TTC27: variants seen among roughly 807,000 people sequenced by gnomAD.
TTC27 encodes the protein tetratricopeptide repeat protein 27.
A neutral mutation model predicts 115.9 loss-of-function variants in TTC27; 79 were observed. The observed-to-expected ratio is 0.68, with a 90% confidence interval of 0.57 to 0.82. The LOEUF (loss-of-function observed/expected upper bound fraction) is 0.82. Among genes scored for constraint, TTC27 ranks in the 40% least tolerant of loss-of-function variants. The probability of loss-of-function intolerance (pLI) is 0.00; values close to 1 mark genes in which losing one functional copy is unlikely to be tolerated. For synonymous variants in TTC27, 401 were observed against 356.0 expected (o/e 1.13, Z -1.42); for missense variants, 1,054 against 993.1 (o/e 1.06, Z -0.82).
intron 10 of TTC27, among the ~76,000 whole-genome samples, chr2:32,723,380 G>A (rs903438884): frequency 5.9e-5 from 9 of 152,192 alleles, no homozygotes; most frequent in African/African-American, 2.2e-4. Flanking sequence ...AGAGATTCAG[G>A]GTTAGAGTGT....
intron 16 of TTC27, among the ~76,000 whole-genome samples, chr2:32,801,982 TTC>T (rs1213077296): frequency 6.6e-6 from 1 of 152,314 alleles, no homozygotes; most frequent in Admixed American, 6.5e-5. Context: ...TGTGAGAAGT[TTC>T]TGTTATTAGT....
intron 16 of TTC27, among the ~76,000 whole-genome samples, chr2:32,802,974 T>A (rs1671003877): frequency 6.6e-6 from 1 of 152,250 alleles, no homozygotes; most frequent in East Asian, 1.9e-4. Flanking sequence ...ATTTTTTTCC[T>A]GTTGGCTCGT....
chr2:32,770,954 T>A lies in TTC27; in HGVS notation c.1681-6928T>A, dbSNP rs146006150. 1.2e-4 allele frequency among the ~76,000 whole-genome samples: 19 copies of A among 152,342 alleles called. No homozygotes were observed. In the East Asian group the frequency reaches 3.7e-3, roughly 29 times the overall value. ...GAAAAAAGACATTCTTTCCTTTTTA[T>A]TTTTCCCTTCTAATATTGGTAAGCA... On this transcript the variant is annotated intron_variant, in intron 13 of 19. Transcript: ENST00000317907.
At chr2:32,648,407 G>A (rs1411001567) in intron 4 of TTC27, among the ~76,000 whole-genome samples, 1 of 149,992 alleles carries the variant, frequency 6.7e-6, no homozygotes, top group Admixed American at 6.7e-5. Context: ...TAGGACTACA[G>A]GTGTGAACCA....
intron 8 of TTC27, 150 bp from the exon 9 acceptor site, chr2:32,678,706 T>C (rs570064965): frequency 1.2e-4 from 62 of 523,718 alleles, no homozygotes; most frequent in South Asian, 7.2e-4. Context: ...GGATCACAGG[T>C]GTGAGCCACT....
intron 9 of TTC27, among the ~76,000 whole-genome samples, chr2:32,692,342 G>A (rs1411992228): frequency 3.9e-5 from 6 of 151,996 alleles, no homozygotes; most frequent in Non-Finnish European, 1.5e-5. Context: ...TTACAACTAT[G>A]TAATTCCACA....
intron 13 of TTC27, among the ~76,000 whole-genome samples, chr2:32,762,244 A>T (rs1191660142): frequency 2.6e-5 from 4 of 151,490 alleles, no homozygotes; most frequent in Non-Finnish European, 5.9e-5. Flanking sequence ...GCAGGTGAAG[A>T]GTATGAGCAA....
At chr2:32,649,258 T>A (rs1306357236) in intron 4 of TTC27, among the ~76,000 whole-genome samples, 1 of 152,136 alleles carries the variant, frequency 6.6e-6, no homozygotes, top group Non-Finnish European at 1.5e-5. Context: ...ATCCAAGGTA[T>A]TTCTTACTGT....
chr2:32,757,572 C>G (rs1669276327), intron 12 of TTC27, among the ~76,000 whole-genome samples: 2 of 152,236 alleles, frequency 1.3e-5, no homozygotes, highest in African/African-American at 4.8e-5. Flanking sequence ...ATTTTTCCAA[C>G]CACATGTGCT....
Position 32,702,849 on chromosome 2 carries a change from G to A in TTC27, c.1162G>A (p.Ala388Thr). The A allele has an allele frequency of 6.2e-7, 1 of 1,614,048 alleles. No individual in the cohort carries two copies. Among genetic ancestry groups the A allele is most frequent in the East Asian group, 2.2e-5 (1 of 44,872 alleles). Residue 388 changes from alanine (A) to threonine (T), a missense_variant, in exon 10 of 20, where the codon GCC (alanine) becomes ACC (threonine). Physicochemically the swap from Ala to Thr is moderately conservative, Grantham distance 58. Coordinates refer to ENST00000317907, the MANE Select transcript of TTC27 (RefSeq NM_017735.5). ...QPKFWAIQTS[A>T]LILRTKLEKG... Reference sequence around the variant, plus strand: ...AAAGTTCTGGGCCATTCAGACATCAGCCTTGATCCTCCGGACAAAACTTGA... The same window carrying A: ...AAAGTTCTGGGCCATTCAGACATCAACCTTGATCCTCCGGACAAAACTTGA...
chr2:32,679,175 T>C (rs933867231), intron 9 of TTC27, among the ~76,000 whole-genome samples: 1 of 152,158 alleles, frequency 6.6e-6, no homozygotes, highest in Admixed American at 6.5e-5. Context: ...CAGGAGACCA[T>C]GGGTTAAAAA....
intron 16 of TTC27, among the ~76,000 whole-genome samples, chr2:32,797,516 G>A (rs746732466): frequency 6.6e-6 from 1 of 152,074 alleles, no homozygotes; most frequent in African/African-American, 2.4e-5. Flanking sequence ...CTATTCAATG[G>A]GGAAATTTCA....
chr2:32,713,196 T>C (rs1252778414), intron 10 of TTC27, among the ~76,000 whole-genome samples: 2 of 152,134 alleles, frequency 1.3e-5, no homozygotes, highest in Admixed American at 6.6e-5. Flanking sequence ...AAATAAAATC[T>C]CTGCTCGTTA....
chr2:32,676,346 T>C (rs1485074845), intron 8 of TTC27, among the ~76,000 whole-genome samples: 6 of 152,226 alleles, frequency 3.9e-5, no homozygotes, highest in Non-Finnish European at 8.8e-5. Context: ...CTTCCCTTCA[T>C]TGATTTTTTT....
intron 16 of TTC27, among the ~76,000 whole-genome samples, 186 bp downstream of exon 16, chr2:32,787,335 T>A (rs932987491): frequency 6.6e-6 from 1 of 152,138 alleles, no homozygotes; most frequent in Non-Finnish European, 1.5e-5. Flanking sequence ...TAATGTCAAA[T>A]TTGTTTGTAC....
intron 10 of TTC27, among the ~76,000 whole-genome samples, chr2:32,730,622 T>A (rs1024149607): frequency 2.7e-5 from 1 of 36,900 alleles, no homozygotes; most frequent in South Asian, 5.8e-4. Flanking sequence ...GACTTTCTTA[T>A]TTTTTTTTTT....
At chr2:32,811,468 C>T (rs1410336253) in intron 17 of TTC27, among the ~76,000 whole-genome samples, 2 of 152,148 alleles carry the variant, frequency 1.3e-5, no homozygotes, top group Non-Finnish European at 2.9e-5. Flanking sequence ...TGCAAAAGGG[C>T]CTCTTGAAAT....
intron 3 of TTC27, among the ~76,000 whole-genome samples, chr2:32,639,205 C>G (rs1664544344): frequency 6.6e-6 from 1 of 152,204 alleles, no homozygotes; most frequent in Non-Finnish European, 1.5e-5. Flanking sequence ...TTTACATGTG[C>G]TCACAAACTA....
At position 32,721,600 on chromosome 2, in the gene TTC27, A is replaced by C. The variant is rs182896703; in HGVS notation, c.1234-12228A>C. The stretch of plus-strand genomic sequence containing the variant: ...AGCTTCCTCACCTTATCTGGGCTTC[A>C]CTTTTCTTTCTCTCTCTCTCTTTTT... On this transcript the variant is annotated intron_variant, in intron 10 of 19. Coordinates refer to ENST00000317907, the MANE Select transcript of TTC27 (RefSeq NM_017735.5). Among the ~76,000 whole-genome samples, 9 of 149,458 alleles carry C rather than the reference A, an allele frequency of 6.0e-5. No individual in the cohort carries two copies. In the East Asian group the frequency reaches 7.8e-4, roughly 13 times the overall value.
Sources: gnomAD v4.1 joint callset for allele counts (sites outside exome capture counted in the v4.1 genomes callset) on GRCh38, gnomAD v4.1.1 for gene constraint, MANE v1.5 for transcripts, NCBI Gene and HGNC (gene_info 2026-07-23, HGNC 2026-07-21) for gene names.